Variants in ENTPD7 observed in about 807,000 individuals in gnomAD.
ENTPD7 encodes the protein ectonucleoside triphosphate diphosphohydrolase 7, also known as NTPDase 7.
A neutral mutation model predicts 77.9 loss-of-function variants in ENTPD7; 53 were observed. That is an observed-to-expected ratio of 0.68 (90% confidence interval 0.55 to 0.85). The LOEUF (loss-of-function observed/expected upper bound fraction) is 0.85, where lower values mean the gene tolerates loss of function less well. Ranked by LOEUF, ENTPD7 falls within the 40% of genes least tolerant of loss-of-function variation. ENTPD7 has a pLI of 0.00. For missense variants in ENTPD7, 636 were observed against 743.7 expected, an observed-to-expected ratio of 0.86 and a Z score of 1.68; for synonymous variants, 248 against 274.9, an observed-to-expected ratio of 0.90 and a Z score of 0.97.
intron 6 of ENTPD7, among the ~76,000 whole-genome samples, chr10:99,688,338 A>T (rs745801350): frequency 1.3e-5 from 2 of 152,226 alleles, no homozygotes; most frequent in African/African-American, 4.8e-5. Context: ...CATGCATTCT[A>T]TCTAGAGTTT....
intron 6 of ENTPD7, 40 bp downstream of exon 6, chr10:99,685,935 C>G (rs1270220922): frequency 7.5e-7 from 1 of 1,333,986 alleles, no homozygotes; most frequent in Admixed American, 1.8e-5. Context: ...AACCTCTAAG[C>G]CAACCATGGC....
rs1451860467 is a variant in ENTPD7, at chr10:99,705,470, AGAAACTGTGATGGG to A, written c.*790_*803del. On this transcript the variant is annotated 3_prime_UTR_variant, in exon 13 of 13. Transcript: ENST00000370489. ...AGCCTTAAGTGTGTTAGTAGGATGG[AGAAACTGTGATGGG>A]GACTGGGAACCTGGATTTGTCTGAT... 3.3e-5 allele frequency: 5 copies of A among 152,176 alleles called. No homozygotes were observed. Among genetic ancestry groups the A allele is most frequent in the Admixed American group, 3.3e-4 (5 of 15,266 alleles). The allele number at this position is 152,176 out of a possible 1,614,324, so 9.4% of individuals were successfully genotyped here.
intron 2 of ENTPD7, among the ~76,000 whole-genome samples, 164 bp from the exon 3 acceptor site, chr10:99,661,282 A>G (rs1381362700): frequency 6.6e-6 from 1 of 152,200 alleles, no homozygotes; most frequent in Non-Finnish European, 1.5e-5. Context: ...TATATAGTAG[A>G]AGCACCATGA....
chr10:99,673,282 G>A (rs573772895), intron 3 of ENTPD7, among the ~76,000 whole-genome samples: 2 of 152,168 alleles, frequency 1.3e-5, no homozygotes, highest in South Asian at 4.1e-4. Flanking sequence ...CAAATAATTG[G>A]CCATGATGGC....
At position 99,679,957 on chromosome 10, in the gene ENTPD7, T is replaced by A. The variant is rs938307685; in HGVS notation, c.548+82T>A. 2.9e-5 allele frequency: 43 copies of A among 1,498,796 alleles called. No individual in the cohort carries two copies. The Admixed American group carries it at 9.5e-4, about 33-fold the overall frequency. The allele number at this position is 1,498,796 out of a possible 1,614,324, so 92.8% of individuals were successfully genotyped here. A position where few individuals can be genotyped will look rare whatever the true frequency, so the allele number is the denominator to read the frequency against. On this transcript the variant is annotated intron_variant, in intron 5 of 12. Transcript: ENST00000370489. The stretch of plus-strand genomic sequence containing the variant: ...AGTTTCATGCACTGTCCTCTGTGGT[T>A]CCCTGGTCTATACCCCTAAACCCAA...
At chr10:99,683,611 T>C (rs1374335606) in intron 5 of ENTPD7, among the ~76,000 whole-genome samples, 5 of 152,212 alleles carry the variant, frequency 3.3e-5, no homozygotes, top group African/African-American at 9.6e-5. Flanking sequence ...AAATAAACAA[T>C]ATTGAATTTT....
At position 99,709,676 on chromosome 10, in the gene ENTPD7, A is replaced by ATCG; in HGVS notation, c.*4995_*4996insGTC. On this transcript the variant is annotated 3_prime_UTR_variant, in exon 13 of 13. Transcript: ENST00000370489. ...CTGTGGCACCCTGTTTGGGTGTCCC[A>ATCG]TCTACCCTGTTTTCTGTTTCTGCAG... 1.0e-6 allele frequency: 1 copy of ATCG among 985,430 alleles called. No homozygotes were observed. The highest frequency in any genetic ancestry group is 4.7e-5 in the South Asian group (1 of 21,284). The allele number at this position is 985,430 out of a possible 1,614,324, so 61.0% of individuals were successfully genotyped here.
chr10:99,676,483 G>A (rs1160261460), intron 3 of ENTPD7, among the ~76,000 whole-genome samples: 1 of 152,138 alleles, frequency 6.6e-6, no homozygotes, highest in Non-Finnish European at 1.5e-5. Flanking sequence ...CAGAGTGGGT[G>A]GTTTTCAGAG....
At position 99,695,976 on chromosome 10, in the gene ENTPD7, G is replaced by A. The variant is rs1036978236; in HGVS notation, c.864G>A (p.Leu288=). 14 of 1,613,398 alleles carry A rather than the reference G, an allele frequency of 8.7e-6. No individual in the cohort carries two copies. The highest frequency in any genetic ancestry group is 1.3e-5 in the African/African-American group (1 of 74,876). The change falls in exon 9 of 13, where the codon CTG becomes CTA. Residue 288 remains leucine, a synonymous_variant. Transcript: ENST00000370489. ...TATAGGAAGAAGCTGCCAAGATCCT[G>A]CTGGCTGAGTTCAACCTGGGCTGTG... is the stretch of plus-strand genomic sequence containing the variant. ...PAKQEEAAKI[L]LAEFNLGCDV... is the part of the protein sequence containing the mutation.
rs2035723372 is a variant in ENTPD7, at chr10:99,679,358, ATTTT to A, written c.291_294del (p.Ile97MetfsTer21). 1 of 1,613,990 alleles carries A rather than the reference ATTTT, an allele frequency of 6.2e-7. No individual in the cohort carries two copies. The highest frequency in any genetic ancestry group is 1.3e-5 in the African/African-American group (1 of 74,886). ...TGACTGTGGCAGCAGTGGTTCCCGGATTTTTGTTTATTTCTGGCCAAGACATAAT... is the reference window on the plus strand; with the variant it reads ...TGACTGTGGCAGCAGTGGTTCCCGGATGTTTATTTCTGGCCAAGACATAAT... On this transcript the variant is annotated frameshift_variant, in exon 4 of 13. Transcript: ENST00000370489. LOFTEE classifies it high-confidence loss of function.
At chr10:99,670,456 C>T (rs7906470) in intron 3 of ENTPD7, among the ~76,000 whole-genome samples, 69 of 152,140 alleles carry the variant, frequency 4.5e-4, no homozygotes, top group Admixed American at 1.2e-3. Flanking sequence ...TTCATACAGT[C>T]GTGTGTTATA....
At chr10:99,696,664 T>C (rs2133495326) in intron 9 of ENTPD7, among the ~76,000 whole-genome samples, 1 of 152,342 alleles carries the variant, frequency 6.6e-6, no homozygotes. Context: ...GAGTACCAGA[T>C]GAAGTAGTTA....
intron 12 of ENTPD7, among the ~76,000 whole-genome samples, chr10:99,703,392 T>A (rs1174890258): frequency 1.3e-5 from 2 of 152,238 alleles, no homozygotes; most frequent in African/African-American, 4.8e-5. Flanking sequence ...AACTGGAGCA[T>A]GTATCCCAGT....
chr10:99,664,747 C>G (rs1189489453), intron 3 of ENTPD7, among the ~76,000 whole-genome samples: 2 of 151,920 alleles, frequency 1.3e-5, no homozygotes, highest in Non-Finnish European at 2.9e-5. Context: ...CCATGCCTGG[C>G]CTAAATTTTC....
chr10:99,685,981 A>G (rs577062198), intron 6 of ENTPD7, 86 bp downstream of exon 6: 14 of 801,930 alleles, frequency 1.7e-5, no homozygotes, highest in African/African-American at 6.9e-5. Context: ...ATTATTCTAT[A>G]TATCGGATTT....
rs1018738513 is a variant in ENTPD7 at position 99,696,007 on chromosome 10, C to T, written c.895C>T (p.Gln299Ter). The change falls in exon 9 of 13, where the codon CAA becomes TAA. Residue 299 changes from glutamine (Q) to a stop codon, truncating the protein, a stop_gained. Coordinates refer to ENST00000370489, the MANE Select transcript of ENTPD7 (RefSeq NM_020354.5). LOFTEE classifies it high-confidence loss of function. Reference protein sequence around the residue: ...LAEFNLGCDVQHTEHVYRVYV... With the variant: ...LAEFNLGCDV ...TGAGTTCAACCTGGGCTGTGATGTG[C>T]AACACACTGAACACGTGTACAGGGT... is the stretch of plus-strand genomic sequence containing the variant. 3 of 1,614,112 alleles carry T rather than the reference C, an allele frequency of 1.9e-6. No homozygotes were observed. The highest frequency in any genetic ancestry group is 2.5e-6 in the Non-Finnish European group (3 of 1,180,000).
At chr10:99,685,955 C>T (rs1285138481) in intron 6 of ENTPD7, 60 bp downstream of exon 6, 2 of 1,071,984 alleles carry the variant, frequency 1.9e-6, no homozygotes, top group Non-Finnish European at 2.8e-6. Context: ...CACAGCCTCT[C>T]TAACGGGTGT....
At chr10:99,702,807 A>C in intron 12 of ENTPD7, 134 bp downstream of exon 12, 5 of 704,332 alleles carry the variant, frequency 7.1e-6, no homozygotes. Flanking sequence ...ACCCCCTCAC[A>C]AAAACAAACT....
At chr10:99,676,436 A>G (rs970877146) in intron 3 of ENTPD7, among the ~76,000 whole-genome samples, 1 of 152,196 alleles carries the variant, frequency 6.6e-6, no homozygotes, top group African/African-American at 2.4e-5. Flanking sequence ...TTCATTATGC[A>G]GAAGGGGATG....
Sources: gnomAD v4.1 joint callset for allele counts (sites outside exome capture counted in the v4.1 genomes callset) on GRCh38, gnomAD v4.1.1 for gene constraint, MANE v1.5 for transcripts, NCBI Gene and HGNC (gene_info 2026-07-23, HGNC 2026-07-21) for gene names.